Variants in FOXO3 observed in about 807,000 individuals in gnomAD.
FOXO3 encodes the protein forkhead box O3, also known as forkhead box protein O3.
In FOXO3, 4 loss-of-function variants were observed where a neutral mutation model predicts 41.9. The observed-to-expected ratio is 0.10, with a 90% CI of 0.05 to 0.22. The LOEUF (loss-of-function observed/expected upper bound fraction) is 0.22, where lower values mean the gene tolerates loss of function less well. Among genes scored for constraint, FOXO3 ranks in the 10% least tolerant of loss-of-function variants. The pLI is 1.00. For missense variants in FOXO3, 534 were observed against 906.8 expected (o/e 0.59, Z 5.28); for synonymous variants, 318 against 389.3 (o/e 0.82, Z 2.16).
chr6:108,573,129 A>G (rs911296518), intron 1 of FOXO3, among the ~76,000 whole-genome samples: 1 of 152,100 alleles, frequency 6.6e-6, no homozygotes, highest in Non-Finnish European at 1.5e-5. Context: ...TACTAAAAAT[A>G]CAAAAAAATT....
chr6:108,568,623 A>G (rs1776010440), intron 1 of FOXO3, among the ~76,000 whole-genome samples: 1 of 152,194 alleles, frequency 6.6e-6, no homozygotes, highest in South Asian at 2.1e-4. Flanking sequence ...TGGATTTTAT[A>G]ATCAACCCAT....
At chr6:108,626,804 A>G (rs1170168334) in intron 1 of FOXO3, among the ~76,000 whole-genome samples, 1 of 152,226 alleles carries the variant, frequency 6.6e-6, no homozygotes, top group Non-Finnish European at 1.5e-5. Flanking sequence ...ACCATTAACC[A>G]GATACTTAAA....
At chr6:108,594,017 C>T (rs1012462583) in intron 1 of FOXO3, among the ~76,000 whole-genome samples, 3 of 152,054 alleles carry the variant, frequency 2.0e-5, no homozygotes, top group African/African-American at 7.2e-5. Flanking sequence ...CCGTGACCGG[C>T]CTTTGCTGTG....
chr6:108,633,715 A>G (rs1037469491), intron 1 of FOXO3, among the ~76,000 whole-genome samples: 3 of 152,074 alleles, frequency 2.0e-5, no homozygotes, highest in African/African-American at 7.2e-5. Context: ...TAAGAGCATG[A>G]TCTACTCTTT....
chr6:108,601,238 T>G (rs1184792919), intron 1 of FOXO3, among the ~76,000 whole-genome samples: 1 of 151,964 alleles, frequency 6.6e-6, no homozygotes, highest in Non-Finnish European at 1.5e-5. Context: ...GGTCTCGATC[T>G]CCTGACCTTG....
chr6:108,628,366 A>G (rs1777871986), intron 1 of FOXO3, among the ~76,000 whole-genome samples: 1 of 152,232 alleles, frequency 6.6e-6, no homozygotes. Context: ...CTCCCCCAAA[A>G]GCCCTGTATG....
At chr6:108,562,521 C>A (rs1024562963) in intron 1 of FOXO3, among the ~76,000 whole-genome samples, 1 of 152,138 alleles carries the variant, frequency 6.6e-6, no homozygotes, top group African/African-American at 2.4e-5. Context: ...TCGAACCGGC[C>A]GGTCTGGCCA....
chr6:108,574,170 A>AG (rs935049949), intron 1 of FOXO3, among the ~76,000 whole-genome samples: 16 of 151,494 alleles, frequency 1.1e-4, no homozygotes, highest in South Asian at 1.0e-3. Flanking sequence ...AAAAAAAAAA[A>AG]AAGAAGAATT....
intron 1 of FOXO3, among the ~76,000 whole-genome samples, chr6:108,571,701 G>A (rs532889620): frequency 1.3e-5 from 2 of 152,282 alleles, no homozygotes; most frequent in South Asian, 4.1e-4. Context: ...TTCCCAGGGA[G>A]CATGGCTTTG....
At position 108,681,841 on chromosome 6, in the gene FOXO3, A is replaced by G. The variant is rs544607131; in HGVS notation, c.*2049A>G. 1 of 152,262 alleles carries G rather than the reference A, an allele frequency of 6.6e-6. No individual in the cohort carries two copies. Among genetic ancestry groups the G allele is most frequent in the East Asian group, 1.9e-4 (1 of 5,194 alleles). 9.4% of individuals were successfully genotyped at this position (152,262 alleles called of 1,614,324 possible). A position where few individuals can be genotyped will look rare whatever the true frequency, so the allele number is the denominator to read the frequency against. On this transcript the variant is annotated 3_prime_UTR_variant, in exon 3 of 3. Transcript: ENST00000406360. ...TACTATATTCCTTTATAATAATGCTAGCCACTTCCTGGATTCTTTAGTAAT... is the reference window on the plus strand; with the variant it reads ...TACTATATTCCTTTATAATAATGCTGGCCACTTCCTGGATTCTTTAGTAAT...
intron 1 of FOXO3, among the ~76,000 whole-genome samples, chr6:108,616,245 A>G (rs1159826891): frequency 1.4e-5 from 2 of 146,928 alleles, no homozygotes; most frequent in Admixed American, 7.1e-5. Flanking sequence ...GCTCACTGCA[A>G]GCTCCGCCTC....
intron 1 of FOXO3, among the ~76,000 whole-genome samples, chr6:108,607,687 A>G (rs1777245518): frequency 6.6e-6 from 1 of 152,188 alleles, no homozygotes. Context: ...GCCAGCTGAC[A>G]TGTAGTAGAA....
intron 1 of FOXO3, among the ~76,000 whole-genome samples, chr6:108,628,956 A>G (rs1306916954): frequency 6.6e-6 from 1 of 152,120 alleles, no homozygotes; most frequent in African/African-American, 2.4e-5. Flanking sequence ...ATGTAGCAAC[A>G]GAGTTTGGGC....
chr6:108,576,857 C>T (rs1776275927), intron 1 of FOXO3, among the ~76,000 whole-genome samples: 1 of 152,180 alleles, frequency 6.6e-6, no homozygotes, highest in Non-Finnish European at 1.5e-5. Flanking sequence ...CTGCCTTAAA[C>T]AGGATCATAA....
chr6:108,668,055 A>G (rs1409898493), intron 2 of FOXO3, among the ~76,000 whole-genome samples: 2 of 152,214 alleles, frequency 1.3e-5, no homozygotes, highest in Non-Finnish European at 2.9e-5. Flanking sequence ...TCAGACTCTG[A>G]CACCCTGCTT....
intron 1 of FOXO3, among the ~76,000 whole-genome samples, chr6:108,587,071 A>G (rs1239917756): frequency 1.3e-5 from 2 of 151,504 alleles, no homozygotes; most frequent in Non-Finnish European, 2.9e-5. Context: ...TTGGCCTCTC[A>G]AAGTGCCTCT....
intron 2 of FOXO3, among the ~76,000 whole-genome samples, chr6:108,678,628 A>C (rs1172293731): frequency 6.6e-6 from 1 of 151,780 alleles, no homozygotes; most frequent in Non-Finnish European, 1.5e-5. Flanking sequence ...TAATAATTGG[A>C]GGCAGAATAA....
chr6:108,604,731 T>C (rs1777145329), intron 1 of FOXO3, among the ~76,000 whole-genome samples: 1 of 152,124 alleles, frequency 6.6e-6, no homozygotes, highest in South Asian at 2.1e-4. Context: ...TCCTTGTTGC[T>C]TTTTGCTTTT....
chr6:108,591,933 G>C (rs961602133), intron 1 of FOXO3, among the ~76,000 whole-genome samples: 3 of 151,570 alleles, frequency 2.0e-5, no homozygotes, highest in African/African-American at 4.9e-5. Context: ...AGTACAAAGG[G>C]AATACTGCTC....
Sources: allele counts gnomAD v4.1 joint callset (sites outside exome capture counted in the v4.1 genomes callset), GRCh38; gene constraint gnomAD v4.1.1; transcripts MANE v1.5; gene names NCBI Gene and HGNC (gene_info 2026-07-23, HGNC 2026-07-21).